BRCA1: variants seen among roughly 807,000 people sequenced by gnomAD.
The protein encoded by BRCA1 is breast cancer type 1 susceptibility protein.
BRCA1 carries 140 observed loss-of-function variants against 173.7 expected under a neutral mutation model. The observed-to-expected ratio is 0.81, with a 90% CI of 0.70 to 0.93. BRCA1 has a LOEUF of 0.93. BRCA1 is among the 40% of genes least tolerant of loss of function. The pLI, the probability that BRCA1 is intolerant of heterozygous loss-of-function variation, is 0.00. For missense variants in BRCA1, 1,983 were observed against 2,172.5 expected (o/e 0.91, Z 1.73); for synonymous variants, 662 against 756.0 (o/e 0.88, Z 2.04).
chr17:43,067,118 C>A (rs1231348672), intron 16 of BRCA1, among the ~76,000 whole-genome samples: 2 of 150,566 alleles, frequency 1.3e-5, no homozygotes, highest in Admixed American at 1.3e-4. Flanking sequence ...GTGCCTGGCC[C>A]ACACTCCAAA....
chr17:43,157,995 CAA>C (rs557006036), intron 1 of BRCA1, among the ~76,000 whole-genome samples: 67 of 65,880 alleles, frequency 1.0e-3, no homozygotes, highest in African/African-American at 1.8e-3. Flanking sequence ...AACTCTGTCT[CAA>C]AAAAAAAAAA....
chr17:43,067,537 C>T (rs761108258), intron 16 of BRCA1, 71 bp downstream of exon 16: 114 of 1,270,610 alleles, frequency 9.0e-5, no homozygotes, highest in Admixed American at 2.1e-4. Context: ...TACAGGCATG[C>T]GCCACCGTGC....
chr17:43,100,019 C>G, intron 6 of BRCA1, 139 bp from the exon 7 acceptor site: 1 of 747,196 alleles, frequency 1.3e-6, no homozygotes, highest in East Asian at 2.6e-5. Flanking sequence ...GGAAAAAATG[C>G]CCAGGAATTT....
rs1188628175 is a variant in BRCA1, at chr17:43,071,197, C to T, written c.4717G>A (p.Asp1573Asn). 6.2e-7 allele frequency: 1 copy of T among 1,614,190 alleles called. No individual in the cohort carries two copies. The highest frequency in any genetic ancestry group is 2.2e-5 in the East Asian group (1 of 44,888). ...TCAGAAGGATCAGATTCAGGGTCAT[C>T]AGAGAAGAGGCTGATTCCAGATTCC... ...YLESGISLFS[D>N]DPESDPSEDR... The change falls in exon 15 of 23, where the codon GAT becomes AAT. Residue 1573 changes from aspartate (D) to asparagine (N), a missense_variant. Asp to Asn is a conservative substitution (Grantham distance 23). Coordinates refer to ENST00000357654, the MANE Select transcript of BRCA1 (RefSeq NM_007294.4).
At chr17:43,067,179 C>T (rs2052120398) in intron 16 of BRCA1, 1 of 167,196 alleles carries the variant, frequency 6.0e-6, no homozygotes, top group Non-Finnish European at 1.3e-5. Context: ...TATTATTTGT[C>T]TTTCATAAAG....
At position 43,152,404 on chromosome 17, in the gene BRCA1, A is replaced by G. The variant is rs532401605; in HGVS notation, c.-20+17722T>C. Among the ~76,000 whole-genome samples the G allele has an allele frequency of 6.2e-4, 94 of 152,324 alleles. 1 individual carries two copies. The highest frequency in any genetic ancestry group is 2.0e-3 in the African/African-American group (85 of 41,570). ...TCTAGCAAGACGTAGTAGAGACGCA[A>G]GAGAAATTTGTTAATGTATAAAAGG... On this transcript the variant is annotated intron_variant, in intron 1 of 7. Coordinates refer to the BRCA1 transcript ENST00000634433.
rs1286616444 is a variant in BRCA1, at chr17:43,044,544, A to G, written c.*1134T>C. The G allele has an allele frequency of 4.0e-6, 2 of 506,016 alleles. No individual in the cohort carries two copies. The highest frequency in any genetic ancestry group is 3.8e-5 in the African/African-American group (2 of 52,178). 31.3% of individuals were successfully genotyped at this position (506,016 alleles called of 1,614,324 possible). A position where few individuals can be genotyped will look rare whatever the true frequency, so the allele number is the denominator to read the frequency against. ...GGAGCAAAGGAAAAAAATCACCTCA[A>G]AGAAAGCAACAGCTTCCTTCCTGGT... is the stretch of plus-strand genomic sequence containing the variant. On this transcript the variant is annotated 3_prime_UTR_variant, in exon 23 of 23. Transcript: ENST00000357654.
In BRCA1 at chr17:43,070,980, C is replaced by G. The variant is rs70953661; in HGVS notation, c.4934G>C (p.Arg1645Thr). 34 of 1,614,214 alleles carry G rather than the reference C, an allele frequency of 2.1e-5. No individual in the cohort carries two copies. The African/African-American group carries it at 4.0e-4, about 19-fold the overall frequency. ...CACCATGGACATTCTTTTGTTGACCCTTTCTGTTGAAGCTGTCAATTCTGG... is the reference window on the plus strand; with the variant it reads ...CACCATGGACATTCTTTTGTTGACCGTTTCTGTTGAAGCTGTCAATTCTGG... ...EKPELTASTERVNKRMSMVVS... is the reference protein window; with the variant it reads ...EKPELTASTETVNKRMSMVVS... The change falls in exon 15 of 23, where the codon AGG (arginine) becomes ACG (threonine). Residue 1645 changes from arginine (R) to threonine (T), a missense_variant. Transcript: ENST00000357654.
chr17:43,144,378 C>A (rs910081253), intron 1 of BRCA1, among the ~76,000 whole-genome samples: 2 of 152,044 alleles, frequency 1.3e-5, no homozygotes, highest in African/African-American at 4.8e-5. Flanking sequence ...ATGAGAGGGG[C>A]CAGGAGGTGG....
upstream of BRCA1, among the ~76,000 whole-genome samples, chr17:43,125,970 C>T (rs897057808): frequency 3.4e-5 from 5 of 148,228 alleles, no homozygotes; most frequent in African/African-American, 1.2e-4. Context: ...TTGTACTTGT[C>T]AACAGTTATG....
At chr17:43,106,344 T>C (rs867154968) in intron 4 of BRCA1, 112 bp downstream of exon 4, 23 of 724,442 alleles carry the variant, frequency 3.2e-5, no homozygotes, top group Non-Finnish European at 5.0e-5. Flanking sequence ...CTAAAAACTC[T>C]TTTATAAATT....
chr17:43,080,124 T>C (rs1160712104), intron 12 of BRCA1, among the ~76,000 whole-genome samples: 1 of 152,190 alleles, frequency 6.6e-6, no homozygotes, highest in Non-Finnish European at 1.5e-5. Flanking sequence ...TCCTCTTAAA[T>C]CATTCCCTCA....
intron 1 of BRCA1, chr17:43,144,738 A>G (rs545015237): frequency 1.5e-3 from 414 of 284,500 alleles, no homozygotes; most frequent in Non-Finnish European, 2.4e-3. Context: ...AGCAGCTCCG[A>G]GGGCAGGCAT....
chr17:43,149,612 GGAAA>G (rs998756567), intron 1 of BRCA1, among the ~76,000 whole-genome samples: 12 of 152,212 alleles, frequency 7.9e-5, no homozygotes, highest in South Asian at 6.2e-4. Context: ...TTCAGAAGCT[GGAAA>G]GAAAGAGAGT....
chr17:43,129,206 G>A (rs141971162), upstream of BRCA1, among the ~76,000 whole-genome samples: 250 of 152,342 alleles, frequency 1.6e-3, 1 homozygote, highest in African/African-American at 5.4e-3. Flanking sequence ...TAAGGAGCAG[G>A]TAGGGTTAAC....
chr17:43,069,449 C>A (rs1179719383), intron 15 of BRCA1, among the ~76,000 whole-genome samples: 1 of 152,166 alleles, frequency 6.6e-6, no homozygotes, highest in Non-Finnish European at 1.5e-5. Context: ...CTCAGAATTG[C>A]CTTTGCCAAG....
upstream of BRCA1, among the ~76,000 whole-genome samples, chr17:43,128,948 A>C: frequency 6.7e-6 from 1 of 149,950 alleles, no homozygotes. Context: ...ATGAGCCACC[A>C]CTCCCGGCCT....
chr17:43,094,237 G>A lies in BRCA1; in HGVS notation c.1294C>T (p.Leu432=), dbSNP rs864622454. ...YSGSSEKIDL[L]ASDPHEALIC... The stretch of plus-strand genomic sequence containing the variant: ...AAAGCCTCATGAGGATCACTGGCCA[G>A]TAAGTCTATTTTCTCTGAAGAACCA... The change falls in exon 10 of 23, where the codon CTG becomes TTG. Residue 432 remains leucine (L), a synonymous_variant. Coordinates refer to ENST00000357654, the MANE Select transcript of BRCA1 (RefSeq NM_007294.4). The A allele has an allele frequency of 6.2e-7, 1 of 1,614,004 alleles. No individual in the cohort carries two copies. Among genetic ancestry groups the A allele is most frequent in the Non-Finnish European group, 8.5e-7 (1 of 1,180,044 alleles).
rs577309188 is a variant in BRCA1 at position 43,161,588 on chromosome 17, G to A, written c.-20+8538C>T. On this transcript the variant is annotated intron_variant, in intron 1 of 7. Transcript: ENST00000634433. ...GGTGGGATTCTGGGTGGGCCTAAACGGTCTGCAACTTTGGAAATTTACTGA... is the reference window on the plus strand; with the variant it reads ...GGTGGGATTCTGGGTGGGCCTAAACAGTCTGCAACTTTGGAAATTTACTGA... 3.3e-5 allele frequency: 5 copies of A among 152,314 alleles called. No homozygotes were observed. The South Asian group carries it at 6.2e-4, about 19-fold the overall frequency. 9.4% of individuals were successfully genotyped at this position (152,314 alleles called of 1,614,324 possible). A position where few individuals can be genotyped will look rare whatever the true frequency, so the allele number is the denominator to read the frequency against.
Sources: allele counts gnomAD v4.1 joint callset (sites outside exome capture counted in the v4.1 genomes callset), GRCh38; gene constraint gnomAD v4.1.1; transcripts MANE v1.5; gene names NCBI Gene and HGNC (gene_info 2026-07-23, HGNC 2026-07-21).